PPP2CB: variants seen among roughly 807,000 people sequenced by gnomAD.
PPP2CB encodes the protein protein phosphatase 2 catalytic subunit beta, also known as serine/threonine-protein phosphatase 2A catalytic subunit beta isoform.
PPP2CB carries 18 observed loss-of-function variants against 39.1 expected under a neutral mutation model. The observed-to-expected ratio is 0.46, with a 90% CI of 0.32 to 0.68. The LOEUF is 0.68. PPP2CB is among the 30% of genes least tolerant of loss of function. The pLI, the probability that PPP2CB is intolerant of heterozygous loss-of-function variation, is 0.04. For synonymous variants in PPP2CB, 129 were observed against 133.8 expected (o/e 0.96, Z 0.25); for missense variants, 226 against 396.9 (o/e 0.57, Z 3.66).
Position 30,812,387 on chromosome 8 carries a change from T to G in PPP2CB, c.35A>C (p.Gln12Pro). Residue 12 changes from glutamine (Q) to proline (P), a missense_variant, in exon 1 of 7, where the codon CAG (glutamine) becomes CCG (proline). By Grantham distance (76) the Gln-to-Pro change is moderately conservative. Around this residue, in one of 4 missense-constraint regions of PPP2CB, gnomAD observed 59 missense variants for 42.6 expected, o/e 1.38. Transcript: ENST00000221138. ...ACACTCGTTCAGCTGCTCGACCCAC[T>G]GGTCCAGCTCCTTGGTGAACGCCTT... ...DDKAFTKELD[Q>P]WVEQLNECKQ... is the part of the protein sequence containing the mutation. 1 of 1,555,996 alleles carries G rather than the reference T, an allele frequency of 6.4e-7. No individual in the cohort carries two copies. Among genetic ancestry groups the G allele is most frequent in the Non-Finnish European group, 8.7e-7 (1 of 1,147,742 alleles).
At chr8:30,811,588 T>C (rs1481295243) in intron 1 of PPP2CB, among the ~76,000 whole-genome samples, 1 of 149,260 alleles carries the variant, frequency 6.7e-6, no homozygotes, top group African/African-American at 2.5e-5. Flanking sequence ...CTCCACCTCC[T>C]GGGCTCAAGC....
intron 1 of PPP2CB, among the ~76,000 whole-genome samples, chr8:30,811,861 A>G (rs950364646): frequency 9.2e-5 from 14 of 152,136 alleles, no homozygotes; most frequent in African/African-American, 3.1e-4. Context: ...TTTATTAACA[A>G]GTTCATTAAT....
intron 3 of PPP2CB, among the ~76,000 whole-genome samples, chr8:30,795,577 G>A (rs954822804): frequency 6.6e-6 from 1 of 152,138 alleles, no homozygotes; most frequent in Non-Finnish European, 1.5e-5. Flanking sequence ...TGCCACGTCT[G>A]GTTTGGCATT....
At chr8:30,804,605 T>A (rs553353430) in intron 1 of PPP2CB, among the ~76,000 whole-genome samples, 2 of 152,308 alleles carry the variant, frequency 1.3e-5, no homozygotes, top group East Asian at 3.9e-4. Context: ...CTGTGAGTCA[T>A]TCCTGTGAAT....
Position 30,812,373 on chromosome 8 carries a change from G to A in PPP2CB, c.49C>T (p.Leu17=), listed in dbSNP as rs1307948190. 5 of 1,562,918 alleles carry A rather than the reference G, an allele frequency of 3.2e-6. No homozygotes were observed. The African/African-American group carries it at 5.6e-5, about 17-fold the overall frequency. The change falls in exon 1 of 7, where the codon CTG becomes TTG. Residue 17 remains leucine (L), a synonymous_variant. Coordinates refer to ENST00000221138, the MANE Select transcript of PPP2CB (RefSeq NM_001009552.2). ...TCGTTCAGCTGCTTACACTCGTTCAGCTGCTCGACCCACTGGTCCAGCTCC... is the reference window on the plus strand; with the variant it reads ...TCGTTCAGCTGCTTACACTCGTTCAACTGCTCGACCCACTGGTCCAGCTCC... ...TKELDQWVEQ[L]NECKQLNENQ... is the part of the protein sequence containing the mutation.
Position 30,809,065 on chromosome 8 carries a change from A to G in PPP2CB, c.102+3255T>C, listed in dbSNP as rs139439716. ...CCCAAGTAGCTGGGAGTGCAACACT[A>G]CGCCCAGCTAATTTTTTTTTTTTTT... is the stretch of plus-strand genomic sequence containing the variant. On this transcript the variant is annotated intron_variant, in intron 1 of 6. Transcript: ENST00000221138. Among the ~76,000 whole-genome samples, 400 of 147,718 alleles carry G rather than the reference A, an allele frequency of 2.7e-3. 2 individuals carry two copies. Among genetic ancestry groups the G allele is most frequent in the African/African-American group, 9.6e-3 (380 of 39,472 alleles).
intron 6 of PPP2CB, among the ~76,000 whole-genome samples, chr8:30,789,481 A>G (rs1413897936): frequency 2.6e-5 from 4 of 152,148 alleles, no homozygotes; most frequent in African/African-American, 9.7e-5. Flanking sequence ...ATGTTATGTG[A>G]CTTGCAGATT....
intron 2 of PPP2CB, 55 bp downstream of exon 2, chr8:30,799,491 T>C: frequency 7.0e-7 from 1 of 1,419,936 alleles, no homozygotes; most frequent in Non-Finnish European, 9.9e-7. Context: ...ACTGTCATTC[T>C]TGCCTTTTGC....
intron 3 of PPP2CB, among the ~76,000 whole-genome samples, chr8:30,795,919 T>A (rs1806514523): frequency 6.6e-6 from 1 of 152,214 alleles, no homozygotes; most frequent in Non-Finnish European, 1.5e-5. Flanking sequence ...TTCTTCTAGA[T>A]CAGTTTTGTT....
chr8:30,812,568 T>C lies in PPP2CB; in HGVS notation c.-147A>G, dbSNP rs1586130872. ...CCCACAGGGGGAGGACTGAGCCGGG[T>C]AGGGCGGCCGCGGGCCCCGCGCCCC... On this transcript the variant is annotated 5_prime_UTR_variant, in exon 1 of 7. Transcript: ENST00000221138. 8 of 405,490 alleles carry C rather than the reference T, an allele frequency of 2.0e-5. No homozygotes were observed. Among genetic ancestry groups the C allele is most frequent in the Non-Finnish European group, 2.7e-5 (7 of 259,226 alleles). The allele number at this position is 405,490 out of a possible 1,614,324, so 25.1% of individuals were successfully genotyped here. A position where few individuals can be genotyped will look rare whatever the true frequency, so the allele number is the denominator to read the frequency against.
At chr8:30,797,474 G>A (rs1007958521) in intron 3 of PPP2CB, 107 bp downstream of exon 3, 49 of 1,128,062 alleles carry the variant, frequency 4.3e-5, no homozygotes, top group Middle Eastern at 2.4e-4. Context: ...GGAAAAGGCC[G>A]AGGAGATGCA....
chr8:30,794,081 G>T lies in PPP2CB; in HGVS notation c.577-3C>A. ...CATAACAGATCACACATTGGGCCCT[G>T]GCCAAGAAAAATAAGTACATGTTAC... On this transcript the variant is annotated splice_region_variant and splice_polypyrimidine_tract_variant and intron_variant, in intron 4 of 6. Transcript: ENST00000221138. The T allele has an allele frequency of 6.2e-7, 1 of 1,604,164 alleles. No homozygotes were observed. The highest frequency in any genetic ancestry group is 8.5e-7 in the Non-Finnish European group (1 of 1,174,912).
chr8:30,792,180 G>A (rs1586121719), intron 5 of PPP2CB, among the ~76,000 whole-genome samples: 1 of 150,218 alleles, frequency 6.7e-6, no homozygotes, highest in Admixed American at 6.6e-5. Context: ...CCTCAGCCCC[G>A]AGTAGTTGGG....
chr8:30,809,694 A>G (rs375179931), intron 1 of PPP2CB, among the ~76,000 whole-genome samples: 2 of 152,168 alleles, frequency 1.3e-5, no homozygotes, highest in Non-Finnish European at 2.9e-5. Context: ...CAATCCCTGC[A>G]CTTTGGGAGG....
Position 30,785,961 on chromosome 8 carries a change from T to G in PPP2CB, c.*274A>C, listed in dbSNP as rs1201138806. ...AGATGAAGCAGTTAGTTACCTTTTT[T>G]GCTTGAACAGTCCAAAGGAAAATGG... is the stretch of plus-strand genomic sequence containing the variant. On this transcript the variant is annotated 3_prime_UTR_variant, in exon 7 of 7. Coordinates refer to ENST00000221138, the MANE Select transcript of PPP2CB (RefSeq NM_001009552.2). 3 of 578,608 alleles carry G rather than the reference T, an allele frequency of 5.2e-6. No individual in the cohort carries two copies. Among genetic ancestry groups the G allele is most frequent in the Non-Finnish European group, 9.7e-6 (3 of 308,190 alleles). The allele number at this position is 578,608 out of a possible 1,614,324, so 35.8% of individuals were successfully genotyped here. A position where few individuals can be genotyped will look rare whatever the true frequency, so the allele number is the denominator to read the frequency against.
At chr8:30,795,603 A>T (rs1228774553) in intron 3 of PPP2CB, among the ~76,000 whole-genome samples, 1 of 152,222 alleles carries the variant, frequency 6.6e-6, no homozygotes, top group Non-Finnish European at 1.5e-5. Context: ...TATACTAGGC[A>T]TACGGTGTGA....
At chr8:30,786,377 AGACACT>A (rs1806341583) in intron 6 of PPP2CB, 70 bp from the exon 7 acceptor site, 1 of 1,280,878 alleles carries the variant, frequency 7.8e-7, no homozygotes, top group Admixed American at 2.1e-5. Flanking sequence ...ATAAAGAACA[AGACACT>A]GTAGTAGAAA....
chr8:30,809,013 C>A (rs1377487216), intron 1 of PPP2CB, among the ~76,000 whole-genome samples: 1 of 149,898 alleles, frequency 6.7e-6, no homozygotes, highest in African/African-American at 2.5e-5. Flanking sequence ...TAACCTCTGC[C>A]TCCTAGGGAT....
chr8:30,797,862 T>C (rs1806552688), intron 2 of PPP2CB, 108 bp from the exon 3 acceptor site: 1 of 1,044,302 alleles, frequency 9.6e-7, no homozygotes, highest in Non-Finnish European at 1.4e-6. Context: ...TGGCCACCAG[T>C]ATATTAAATG....
Sources: gnomAD v4.1 joint callset for allele counts (sites outside exome capture counted in the v4.1 genomes callset) on GRCh38, gnomAD v4.1.1 for gene constraint, gnomAD v4.1.1 regional missense constraint, MANE v1.5 for transcripts, NCBI Gene and HGNC (gene_info 2026-07-23, HGNC 2026-07-21) for gene names.